The following TSEN2 variants were observed in gnomAD, a reference collection of about 807,000 sequenced individuals.
TSEN2 encodes the protein tRNA splicing endonuclease subunit 2.
In TSEN2, 54 loss-of-function variants were observed where a neutral mutation model predicts 59.2. That is an observed-to-expected ratio of 0.91 (90% CI 0.73 to 1.14). The LOEUF is 1.14. Among genes scored for constraint, TSEN2 ranks in the 50% most tolerant of loss-of-function variants. The probability of loss-of-function intolerance (pLI) is 0.00; values close to 1 mark genes in which losing one functional copy is unlikely to be tolerated. For missense variants in TSEN2, 636 were observed against 576.2 expected (o/e 1.10, Z -1.06); for synonymous variants, 195 against 198.2 (o/e 0.98, Z 0.14).
chr3:12,483,251 C>T (rs2052270280), upstream of TSEN2, among the ~76,000 whole-genome samples: 1 of 152,218 alleles, frequency 6.6e-6, no homozygotes, highest in Admixed American at 6.5e-5. Context: ...TGGCAGGCGC[C>T]TGTAATCCGA....
At chr3:12,502,968 G>A (rs887692716) in intron 4 of TSEN2, among the ~76,000 whole-genome samples, 12 of 152,026 alleles carry the variant, frequency 7.9e-5, no homozygotes, top group Admixed American at 7.2e-4. Context: ...GCTACTTGGA[G>A]GCTGAGGCAC....
intron 7 of TSEN2, among the ~76,000 whole-genome samples, chr3:12,518,384 T>C (rs1468359249): frequency 6.6e-6 from 1 of 152,210 alleles, no homozygotes; most frequent in East Asian, 1.9e-4. Flanking sequence ...GCTCCAGCCT[T>C]GGTGGGCTTG....
At chr3:12,526,887 C>T (rs1266465259) in intron 8 of TSEN2, among the ~76,000 whole-genome samples, 3 of 152,132 alleles carry the variant, frequency 2.0e-5, no homozygotes, top group Non-Finnish European at 2.9e-5. Flanking sequence ...GCTCCAGGTG[C>T]ATATTGGATT....
chr3:12,514,894 AT>A (rs1425987249), intron 6 of TSEN2: 1 of 152,224 alleles, frequency 6.6e-6, no homozygotes. Flanking sequence ...AAAACAAAAA[AT>A]TTGGAAGAGG....
At chr3:12,526,553 CACA>C (rs2057098571) in intron 8 of TSEN2, among the ~76,000 whole-genome samples, 1 of 152,170 alleles carries the variant, frequency 6.6e-6, no homozygotes, top group Admixed American at 6.5e-5. Flanking sequence ...ACCATGTTTA[CACA>C]ACAACGAAAT....
At chr3:12,490,438 C>T (rs2053102155) in intron 2 of TSEN2, among the ~76,000 whole-genome samples, 1 of 152,196 alleles carries the variant, frequency 6.6e-6, no homozygotes, top group Non-Finnish European at 1.5e-5. Context: ...CATGGAGCTC[C>T]TTATCTGCTG....
At chr3:12,529,978 T>C in intron 10 of TSEN2, 105 bp downstream of exon 10, 1 of 1,521,962 alleles carries the variant, frequency 6.6e-7, no homozygotes, top group Non-Finnish European at 8.8e-7. Flanking sequence ...AGAAACTTCA[T>C]AACATTCCTG....
At chr3:12,505,562 GA>G (rs2054724919) in intron 6 of TSEN2, 4 of 280,142 alleles carry the variant, frequency 1.4e-5, no homozygotes, top group Admixed American at 1.4e-4. Flanking sequence ...GCCAAGGCAG[GA>G]GGATCACCTG....
chr3:12,498,970 G>C (rs116735681), intron 4 of TSEN2, among the ~76,000 whole-genome samples: 3,960 of 152,174 alleles, frequency 0.026, 175 homozygotes, highest in African/African-American at 0.089. Flanking sequence ...CTCTTGCCCA[G>C]GCTGGTCTTG....
chr3:12,539,079 G>C (rs2057748880), intron 10 of TSEN2: 2 of 416,022 alleles, frequency 4.8e-6, no homozygotes, highest in Non-Finnish European at 9.3e-6. Flanking sequence ...AGATTCTGAG[G>C]GGGTTTTTGG....
At chr3:12,504,570 C>G (rs991001494) in intron 5 of TSEN2, among the ~76,000 whole-genome samples, 26 of 152,062 alleles carry the variant, frequency 1.7e-4, no homozygotes, top group Non-Finnish European at 2.6e-4. Context: ...TAGGCACATG[C>G]TTATTAGGTA....
chr3:12,515,880 T>G (rs1213998216), intron 6 of TSEN2, among the ~76,000 whole-genome samples: 3 of 152,144 alleles, frequency 2.0e-5, no homozygotes, highest in Non-Finnish European at 4.4e-5. Context: ...ACCTTTTTTT[T>G]TTGTTGATAT....
At chr3:12,517,399 C>T (rs2056245393) in intron 7 of TSEN2, among the ~76,000 whole-genome samples, 1 of 137,876 alleles carries the variant, frequency 7.3e-6, no homozygotes, top group Non-Finnish European at 1.5e-5. Flanking sequence ...AACTGAGGCT[C>T]AGAGAAAATA....
intron 2 of TSEN2, among the ~76,000 whole-genome samples, chr3:12,491,627 CT>C (rs2053220166): frequency 6.6e-6 from 1 of 152,134 alleles, no homozygotes; most frequent in African/African-American, 2.4e-5. Context: ...CTTACTAGTA[CT>C]CTTGAAGCGA....
chr3:12,520,407 C>A (rs899002148), intron 8 of TSEN2, among the ~76,000 whole-genome samples: 3 of 152,198 alleles, frequency 2.0e-5, no homozygotes, highest in Non-Finnish European at 4.4e-5. Context: ...AATTCTGAAG[C>A]CCACGCTTTT....
rs775062635 is a variant in TSEN2, at chr3:12,531,551, G to T, written c.1249-19G>T. 6 of 1,558,032 alleles carry T rather than the reference G, an allele frequency of 3.9e-6. No individual in the cohort carries two copies. The African/African-American group carries it at 5.4e-5, about 14-fold the overall frequency. On this transcript the variant is annotated intron_variant, in intron 10 of 11. Coordinates refer to ENST00000284995, the MANE Select transcript of TSEN2 (RefSeq NM_025265.4). ...TATTATTTTGTAGGATACAGAAGTG[G>T]TTTTTCATTTCTCAATAGGAACTTA... is the stretch of plus-strand genomic sequence containing the variant.
At chr3:12,510,283 C>G (rs192242929) in intron 6 of TSEN2, among the ~76,000 whole-genome samples, 523 of 152,298 alleles carry the variant, frequency 3.4e-3, no homozygotes, top group Non-Finnish European at 5.4e-3. Flanking sequence ...GCTGAGTTTC[C>G]TCACTCACTC....
At chr3:12,495,483 G>C (rs1256439713) in intron 3 of TSEN2, among the ~76,000 whole-genome samples, 3 of 152,216 alleles carry the variant, frequency 2.0e-5, no homozygotes, top group African/African-American at 7.2e-5. Flanking sequence ...ACCCGTCTCA[G>C]CTTCTGAAAA....
At chr3:12,527,009 A>G (rs536972972) in intron 8 of TSEN2, among the ~76,000 whole-genome samples, 1 of 152,354 alleles carries the variant, frequency 6.6e-6, no homozygotes, top group South Asian at 2.1e-4. Flanking sequence ...GGAAGTTAAT[A>G]ACTTGCCTAA....
Sources: allele counts gnomAD v4.1 joint callset (sites outside exome capture counted in the v4.1 genomes callset), GRCh38; gene constraint gnomAD v4.1.1; transcripts MANE v1.5; gene names NCBI Gene and HGNC (gene_info 2026-07-23, HGNC 2026-07-21).